Variants in FCHSD2 observed in about 807,000 individuals in gnomAD.
FCHSD2 encodes the protein FCH and double SH3 domains 2.
FCHSD2 carries 38 observed loss-of-function variants against 108.1 expected under a neutral mutation model. The ratio of observed to expected loss-of-function variants is 0.35; its 90% CI spans 0.27 to 0.46. FCHSD2 has a LOEUF of 0.46. Ranked by LOEUF, FCHSD2 falls within the 20% of genes least tolerant of loss-of-function variation. The pLI is 1.00. For missense variants in FCHSD2, 751 were observed against 897.8 expected, an observed-to-expected ratio of 0.84 and a Z score of 2.09; for synonymous variants, 279 against 314.7, an observed-to-expected ratio of 0.89 and a Z score of 1.20.
intron 2 of FCHSD2, among the ~76,000 whole-genome samples, chr11:73,129,079 G>A (rs1860928810): frequency 6.6e-6 from 1 of 151,732 alleles, no homozygotes; most frequent in African/African-American, 2.4e-5. Context: ...CACCATGTTA[G>A]CCAGGATGGT....
At chr11:73,003,723 T>C (rs1028935246) in intron 4 of FCHSD2, among the ~76,000 whole-genome samples, 2 of 151,548 alleles carry the variant, frequency 1.3e-5, no homozygotes, top group African/African-American at 4.8e-5. Context: ...CCTGACCTCG[T>C]GATCCGCCCG....
chr11:73,071,388 G>A (rs1433031990), intron 3 of FCHSD2, among the ~76,000 whole-genome samples: 1 of 152,042 alleles, frequency 6.6e-6, no homozygotes, highest in East Asian at 1.9e-4. Context: ...GACTGCCAAT[G>A]TCTCTCTTAA....
chr11:73,005,479 G>A (rs1857719749), intron 4 of FCHSD2, among the ~76,000 whole-genome samples: 1 of 151,972 alleles, frequency 6.6e-6, no homozygotes, highest in African/African-American at 2.4e-5. Context: ...ACTCTCCCTT[G>A]GTCTACTCCC....
chr11:72,897,304 A>G (rs1855442135), intron 10 of FCHSD2, among the ~76,000 whole-genome samples: 1 of 136,954 alleles, frequency 7.3e-6, no homozygotes, highest in Non-Finnish European at 1.6e-5. Flanking sequence ...GATCAAAAAT[A>G]TTTTTTAAAA....
chr11:72,935,617 AG>A (rs1856283881), intron 8 of FCHSD2, among the ~76,000 whole-genome samples: 1 of 152,246 alleles, frequency 6.6e-6, no homozygotes, highest in Non-Finnish European at 1.5e-5. Flanking sequence ...GGTTACAAAG[AG>A]AAAGTAGCTT....
chr11:72,916,032 C>T (rs1855866546), intron 9 of FCHSD2, among the ~76,000 whole-genome samples: 1 of 152,014 alleles, frequency 6.6e-6, no homozygotes, highest in Non-Finnish European at 1.5e-5. Flanking sequence ...CACATGGGAA[C>T]AACGCACACT....
At chr11:72,851,811 T>G (rs1016627082) in intron 13 of FCHSD2, among the ~76,000 whole-genome samples, 1 of 150,280 alleles carries the variant, frequency 6.7e-6, no homozygotes, top group African/African-American at 2.4e-5. Flanking sequence ...GAAAAAACAC[T>G]CAATATCACT....
intron 13 of FCHSD2, among the ~76,000 whole-genome samples, chr11:72,860,479 G>GA (rs1861540999): frequency 6.6e-6 from 1 of 152,074 alleles, no homozygotes; most frequent in African/African-American, 2.4e-5. Context: ...AAGCTATCTG[G>GA]AAAAATCTCC....
At chr11:72,839,880 T>G in intron 19 of FCHSD2, among the ~76,000 whole-genome samples, 1 of 152,144 alleles carries the variant, frequency 6.6e-6, no homozygotes, top group East Asian at 1.9e-4. Context: ...GTTCAACAAC[T>G]TCAAGAGAAG....
chr11:72,903,302 C>T (rs574984428), intron 9 of FCHSD2, among the ~76,000 whole-genome samples: 8 of 152,200 alleles, frequency 5.3e-5, no homozygotes, highest in East Asian at 3.9e-4. Context: ...CTGCAAGCTC[C>T]GCCTCCCGGG....
chr11:72,955,248 G>A (rs554503723), intron 8 of FCHSD2, among the ~76,000 whole-genome samples: 1 of 152,116 alleles, frequency 6.6e-6, no homozygotes, highest in South Asian at 2.1e-4. Flanking sequence ...TGCTATAGTG[G>A]GTCACAGAAC....
Position 72,901,267 on chromosome 11 carries a change from C to T in FCHSD2, c.924+1276G>A, listed in dbSNP as rs11821121. Among the ~76,000 whole-genome samples, 605 of 152,032 alleles carry T rather than the reference C, an allele frequency of 4.0e-3. 8 individuals are homozygous for T. Among genetic ancestry groups the T allele is most frequent in the African/African-American group, 0.014 (580 of 41,468 alleles). ...AAGAAAATAGCCAGGCACAGTGGTG[C>T]GTGCCTGTGGCCCCAGCTAATCGGG... On this transcript the variant is annotated intron_variant, in intron 10 of 19. Coordinates refer to ENST00000409418, the MANE Select transcript of FCHSD2 (RefSeq NM_014824.3).
In FCHSD2 at chr11:72,972,411, C is replaced by T. The variant is rs1260979108; in HGVS notation, c.705+11677G>A. Among the ~76,000 whole-genome samples the T allele has an allele frequency of 3.3e-5, 5 of 152,074 alleles. No homozygotes were observed. In the East Asian group the frequency reaches 9.6e-4, roughly 29 times the overall value. On this transcript the variant is annotated intron_variant, in intron 8 of 19. Coordinates refer to ENST00000409418, the MANE Select transcript of FCHSD2 (RefSeq NM_014824.3). ...CTTTCCAAACTATATTTCAAGGTGCCCTAGTATTCAGCCTGATGCCTTAGG... is the reference window on the plus strand; with the variant it reads ...CTTTCCAAACTATATTTCAAGGTGCTCTAGTATTCAGCCTGATGCCTTAGG...
In FCHSD2 at chr11:73,141,947, A is replaced by G; in HGVS notation, c.-70T>C. 6.9e-7 allele frequency: 1 copy of G among 1,459,844 alleles called. No homozygotes were observed. Among genetic ancestry groups the G allele is most frequent in the Non-Finnish European group, 9.3e-7 (1 of 1,080,442 alleles). The allele number at this position is 1,459,844 out of a possible 1,614,324, so 90.4% of individuals were successfully genotyped here. A position where few individuals can be genotyped will look rare whatever the true frequency, so the allele number is the denominator to read the frequency against. On this transcript the variant is annotated 5_prime_UTR_variant, in exon 1 of 20. Coordinates refer to ENST00000409418, the MANE Select transcript of FCHSD2 (RefSeq NM_014824.3). ...GGACCAGGAGGAGGAGGAGGGCCGG[A>G]GAGGAGGGGACGGCCCAGCGAGCGC...
chr11:72,970,135 AC>A (rs1856982086), intron 8 of FCHSD2, among the ~76,000 whole-genome samples: 1 of 152,240 alleles, frequency 6.6e-6, no homozygotes, highest in Non-Finnish European at 1.5e-5. Flanking sequence ...TTGATAAATG[AC>A]TGATAAAGCA....
chr11:72,890,070 T>G, intron 10 of FCHSD2, 125 bp from the exon 11 acceptor site: 1 of 612,418 alleles, frequency 1.6e-6, no homozygotes, highest in Non-Finnish European at 2.9e-6. Context: ...GCTCCACTAC[T>G]GCTGGAAGCA....
chr11:73,008,427 G>T (rs540937053), intron 4 of FCHSD2, among the ~76,000 whole-genome samples: 12 of 152,282 alleles, frequency 7.9e-5, no homozygotes, highest in African/African-American at 2.2e-4. Context: ...TTTAATAAAT[G>T]TTCATACATG....
At chr11:72,977,085 T>C (rs969290656) in intron 8 of FCHSD2, among the ~76,000 whole-genome samples, 3 of 151,988 alleles carry the variant, frequency 2.0e-5, no homozygotes, top group Admixed American at 6.6e-5. Flanking sequence ...CCACCACACC[T>C]GGCTAATTTT....
At chr11:73,006,542 C>T (rs1857744730) in intron 4 of FCHSD2, among the ~76,000 whole-genome samples, 2 of 152,126 alleles carry the variant, frequency 1.3e-5, no homozygotes, top group Admixed American at 6.5e-5. Flanking sequence ...GTGACTACCC[C>T]GCTTTGAGCC....
Sources: gnomAD v4.1 joint callset for allele counts (sites outside exome capture counted in the v4.1 genomes callset) on GRCh38, gnomAD v4.1.1 for gene constraint, MANE v1.5 for transcripts, NCBI Gene and HGNC (gene_info 2026-07-23, HGNC 2026-07-21) for gene names.